Variants in PZP observed in about 807,000 individuals in gnomAD.
PZP encodes the protein PZP alpha-2-macroglobulin like.
In PZP, 150 loss-of-function variants were observed where a neutral mutation model predicts 179.8. That is an observed-to-expected ratio of 0.83 (90% CI 0.73 to 0.96). The LOEUF (loss-of-function observed/expected upper bound fraction) is 0.96, where lower values mean the gene tolerates loss of function less well. Among genes scored for constraint, PZP ranks in the 40% least tolerant of loss-of-function variants. PZP has a pLI of 0.00. For synonymous variants in PZP, 624 were observed against 652.3 expected, an observed-to-expected ratio of 0.96 and a Z score of 0.66; for missense variants, 1,689 against 1,764.0, an observed-to-expected ratio of 0.96 and a Z score of 0.76.
chr12:9,193,775 TAAAAC>T (rs938144907), intron 11 of PZP, among the ~76,000 whole-genome samples: 22 of 152,242 alleles, frequency 1.4e-4, no homozygotes, highest in Admixed American at 1.4e-3. Flanking sequence ...AAAAATAACA[TAAAAC>T]AAAGTACATG....
In PZP at chr12:9,197,006, A is replaced by T; in HGVS notation, c.867+6T>A. 1 of 1,582,218 alleles carries T rather than the reference A, an allele frequency of 6.3e-7. No individual in the cohort carries two copies. Among genetic ancestry groups the T allele is most frequent in the Non-Finnish European group, 8.7e-7 (1 of 1,151,364 alleles). On this transcript the variant is annotated splice_donor_region_variant and intron_variant, in intron 8 of 35. Transcript: ENST00000261336. ...ATAGCACTGAGGGAGAATACCGCCT[A>T]CTAACCTGTTGACTGAATTCCTCAC...
chr12:9,188,100 A>G (rs1592531007), intron 13 of PZP, among the ~76,000 whole-genome samples: 2 of 152,242 alleles, frequency 1.3e-5, no homozygotes, highest in South Asian at 4.1e-4. Context: ...AATATTCCTG[A>G]TGAACATTGA....
intron 4 of PZP, among the ~76,000 whole-genome samples, chr12:9,202,084 G>A (rs1565669383): frequency 6.6e-6 from 1 of 152,126 alleles, no homozygotes. Flanking sequence ...TGTGTTCAGA[G>A]TAACAAATGC....
the PZP span, among the ~76,000 whole-genome samples, chr12:9,142,653 C>G: frequency 6.6e-6 from 1 of 152,098 alleles, no homozygotes; most frequent in African/African-American, 2.4e-5. Context: ...ACACAGACAA[C>G]CAGAAGAAAA....
chr12:9,204,208 C>A (rs1477804233), intron 1 of PZP, among the ~76,000 whole-genome samples: 1 of 152,162 alleles, frequency 6.6e-6, no homozygotes, highest in Non-Finnish European at 1.5e-5. Flanking sequence ...ATTTCACAGG[C>A]ATTCCTTGCT....
At chr12:9,143,685 G>A in the PZP span, among the ~76,000 whole-genome samples, 2 of 152,070 alleles carry the variant, frequency 1.3e-5, no homozygotes, top group Non-Finnish European at 1.5e-5. Context: ...AAAATCAAAG[G>A]TGCCATTTTC....
At chr12:9,192,771 T>C (rs765244457) in intron 11 of PZP, 32 bp from the exon 12 acceptor site, 1 of 1,456,548 alleles carries the variant, frequency 6.9e-7, no homozygotes, top group East Asian at 2.3e-5. Flanking sequence ...GAAAGAATAC[T>C]GTCTTGAAAT....
rs770448039 is a variant in PZP at position 9,152,816 on chromosome 12, C to A, written c.4121+8G>T. 6.2e-7 allele frequency: 1 copy of A among 1,613,714 alleles called. No homozygotes were observed. Among genetic ancestry groups the A allele is most frequent in the Non-Finnish European group, 8.5e-7 (1 of 1,179,838 alleles). ...CCAAAGATAGGTGATTAGGTTAGAA[C>A]GTCTTACCTGATGGTCAGTGAGATC... On this transcript the variant is annotated splice_region_variant and intron_variant, in intron 31 of 35. Transcript: ENST00000261336.
chr12:9,194,446 C>G (rs1205575808), intron 10 of PZP, among the ~76,000 whole-genome samples: 1 of 150,152 alleles, frequency 6.7e-6, no homozygotes, highest in African/African-American at 2.4e-5. Flanking sequence ...TGTAGTATTT[C>G]CAGTAAAGTC....
At chr12:9,149,070 G>T in intron 35 of PZP, 76 bp from the exon 36 acceptor site, 1 of 1,348,448 alleles carries the variant, frequency 7.4e-7, no homozygotes, top group South Asian at 1.2e-5. Flanking sequence ...GCAGCAGAGT[G>T]AGCTTATGCA....
intron 15 of PZP, among the ~76,000 whole-genome samples, chr12:9,173,605 G>T (rs1026374546): frequency 2.0e-5 from 3 of 151,940 alleles, no homozygotes; most frequent in East Asian, 3.9e-4. Flanking sequence ...AAGAAAAAAA[G>T]AAAAGAATCA....
At chr12:9,169,030 A>T (rs1366987678) in intron 16 of PZP, 56 bp from the exon 17 acceptor site, 1 of 1,303,206 alleles carries the variant, frequency 7.7e-7, no homozygotes, top group African/African-American at 1.5e-5. Flanking sequence ...TATATAAAAC[A>T]TATTATCCTT....
downstream of PZP, among the ~76,000 whole-genome samples, chr12:9,144,974 G>T (rs1048090771): frequency 9.9e-5 from 15 of 152,190 alleles, no homozygotes; most frequent in Non-Finnish European, 4.4e-5. Flanking sequence ...CCAAGATGAT[G>T]ATACTCCTGC....
At chr12:9,168,322 G>A (rs1941734772) in intron 17 of PZP, 1 of 152,242 alleles carries the variant, frequency 6.6e-6, no homozygotes, top group African/African-American at 2.4e-5. Flanking sequence ...GAGAAAAAGG[G>A]AGTTGGATTC....
chr12:9,161,688 A>G (rs894380868), intron 22 of PZP, among the ~76,000 whole-genome samples: 3 of 152,248 alleles, frequency 2.0e-5, no homozygotes, highest in Admixed American at 1.3e-4. Flanking sequence ...AGATAACATG[A>G]ATATACCTTA....
Position 9,202,692 on chromosome 12 carries a change from GCAAAGGATTTTTTACTA to G in PZP, c.268-25_268-9del, listed in dbSNP as rs756466328. On this transcript the variant is annotated splice_polypyrimidine_tract_variant and intron_variant, in intron 2 of 35. Transcript: ENST00000261336. ...GGCTGAGATCCTTGGGAGCTAAAAAGCAAAGGATTTTTTACTACTGAGGAACTGTGCAGTCTTCTCCC... is the reference window on the plus strand; with the variant it reads ...GGCTGAGATCCTTGGGAGCTAAAAAGCTGAGGAACTGTGCAGTCTTCTCCC... 3.0e-5 allele frequency: 49 copies of G among 1,612,176 alleles called. No individual in the cohort carries two copies. The South Asian group carries it at 5.1e-4, about 17-fold the overall frequency.
chr12:9,137,867 G>T, the PZP span, among the ~76,000 whole-genome samples: 2 of 151,966 alleles, frequency 1.3e-5, no homozygotes, highest in African/African-American at 4.8e-5. Context: ...AGTTGATTTT[G>T]TAGCTTGCAA....
rs199935687 is a variant in PZP at position 9,181,150 on chromosome 12, A to C, written c.1690-18T>G. ...AAATCCACCTGTGGGAAATGAAGGA[A>C]ACGTCAACCAGTGTTTTCCCTACTT... On this transcript the variant is annotated intron_variant, in intron 14 of 35. Transcript: ENST00000261336. 1.6e-5 allele frequency: 26 copies of C among 1,613,948 alleles called. No individual in the cohort carries two copies. In the African/African-American group the frequency reaches 2.7e-4, roughly 17 times the overall value.
rs561088738 is a variant in PZP, at chr12:9,162,641, C to A, written c.2744G>T (p.Gly915Val). The A allele has an allele frequency of 3.5e-5, 56 of 1,592,446 alleles. No homozygotes were observed. Among genetic ancestry groups the A allele is most frequent in the South Asian group, 8.9e-5 (8 of 90,320 alleles). Residue 915 changes from glycine to valine, a missense_variant, in exon 22 of 36, where the codon GGT becomes GTT. Gly to Val is a moderately radical substitution (Grantham distance 109). This residue lies in a region of PZP where 746 missense variants were observed against 749.2 expected (regional missense o/e 1.00). Coordinates refer to ENST00000261336, the MANE Select transcript of PZP (RefSeq NM_002864.3). The part of the protein sequence containing the change: ...VIKTLLVEAE[G>V]IEQEKTFSSM... ...ACTGAAAGTCTTTTCTTGCTCAATA[C>A]CTTCAGCCTTGGATGAAAGGAAAGA...
Sources: allele counts gnomAD v4.1 joint callset (sites outside exome capture counted in the v4.1 genomes callset), GRCh38; gene constraint gnomAD v4.1.1; regional missense constraint gnomAD v4.1.1; transcripts MANE v1.5; gene names NCBI Gene and HGNC (gene_info 2026-07-23, HGNC 2026-07-21).